Variants in PHF24 observed in about 807,000 individuals in gnomAD.
PHF24 encodes the protein PHD finger protein 24.
In PHF24, 25 loss-of-function variants were observed where a neutral mutation model predicts 42.6. That is an observed-to-expected ratio of 0.59 (90% confidence interval 0.43 to 0.82). The LOEUF (loss-of-function observed/expected upper bound fraction) is 0.82. Among genes scored for constraint, PHF24 ranks in the 40% least tolerant of loss-of-function variants. PHF24 has a pLI of 0.00. For missense variants in PHF24, 470 were observed against 538.1 expected (o/e 0.87, Z 1.25); for synonymous variants, 185 against 204.8 (o/e 0.90, Z 0.83).
chr9:34,867,076 T>A, the PHF24 span, among the ~76,000 whole-genome samples: 33 of 152,340 alleles, frequency 2.2e-4, no homozygotes, highest in African/African-American at 7.7e-4. Context: ...AATTATGGCA[T>A]GATCTTCAGC....
the PHF24 span, among the ~76,000 whole-genome samples, chr9:34,853,199 T>C: frequency 6.6e-6 from 1 of 152,168 alleles, no homozygotes; most frequent in Non-Finnish European, 1.5e-5. Context: ...CAAAGGCCTT[T>C]TCTGCATCTG....
chr9:34,966,576 C>T (rs1253077875), intron 1 of PHF24, among the ~76,000 whole-genome samples: 2 of 140,960 alleles, frequency 1.4e-5, no homozygotes, highest in East Asian at 3.9e-4. Context: ...GGTAATATGG[C>T]GAGACCCCCC....
At chr9:34,870,039 G>A in the PHF24 span, among the ~76,000 whole-genome samples, 1 of 151,896 alleles carries the variant, frequency 6.6e-6, no homozygotes, top group Non-Finnish European at 1.5e-5. Flanking sequence ...TGTTTTTGTT[G>A]TTTTTTTAAA....
the PHF24 span, among the ~76,000 whole-genome samples, chr9:34,732,949 T>C: frequency 1.3e-5 from 2 of 152,346 alleles, no homozygotes; most frequent in South Asian, 4.1e-4. Flanking sequence ...TGGATATTTC[T>C]TTAAAGTTTT....
At chr9:34,922,236 G>A in the PHF24 span, 1,768 of 1,592,192 alleles carry the variant, frequency 1.1e-3, 24 homozygotes, top group African/African-American at 0.021. Flanking sequence ...GGTATCCGAT[G>A]TCCACAATGT....
chr9:34,698,731 C>T, the PHF24 span, among the ~76,000 whole-genome samples: 1 of 152,152 alleles, frequency 6.6e-6, no homozygotes, highest in African/African-American at 2.4e-5. Flanking sequence ...CCACCTGCCT[C>T]GGCCTCCCAA....
chr9:34,833,514 G>A, the PHF24 span: 1 of 1,551,472 alleles, frequency 6.4e-7, no homozygotes, highest in South Asian at 1.2e-5. Context: ...AGACTTTCAA[G>A]AGACTTCTGT....
the PHF24 span, among the ~76,000 whole-genome samples, chr9:34,686,093 C>T: frequency 1.4e-3 from 206 of 152,312 alleles, 1 homozygote; most frequent in African/African-American, 4.7e-3. Flanking sequence ...AGCTAATACT[C>T]AGAGCCATGT....
the PHF24 span, among the ~76,000 whole-genome samples, chr9:34,920,130 A>G: frequency 3.0e-3 from 463 of 152,322 alleles, 2 homozygotes; most frequent in African/African-American, 0.011. Flanking sequence ...AGGAACCTCC[A>G]TACAGTTCTC....
the PHF24 span, among the ~76,000 whole-genome samples, chr9:34,904,258 A>G: frequency 6.6e-6 from 1 of 152,138 alleles, no homozygotes; most frequent in Admixed American, 6.5e-5. Flanking sequence ...TTCCAGTACT[A>G]TGTTGAAGAG....
the PHF24 span, chr9:34,837,750 T>C: frequency 2.5e-6 from 3 of 1,224,068 alleles, no homozygotes; most frequent in African/African-American, 4.5e-5. Context: ...ATTTTCTTTC[T>C]CATGTCCAAA....
the PHF24 span, among the ~76,000 whole-genome samples, chr9:34,925,763 C>A: frequency 6.6e-6 from 1 of 151,896 alleles, no homozygotes; most frequent in Non-Finnish European, 1.5e-5. Flanking sequence ...ATTTTGAATT[C>A]TTTTTTCTGG....
At chr9:34,678,647 T>A in the PHF24 span, among the ~76,000 whole-genome samples, 477 of 152,086 alleles carry the variant, frequency 3.1e-3, 2 homozygotes, top group Non-Finnish European at 4.5e-3. Context: ...TTCTTTTTTT[T>A]TGAGACAGAG....
the PHF24 span, among the ~76,000 whole-genome samples, chr9:34,761,090 T>A: frequency 6.6e-6 from 1 of 152,190 alleles, no homozygotes; most frequent in South Asian, 2.1e-4. Flanking sequence ...CTGTAGAATA[T>A]GTGGTGCTTG....
chr9:34,821,681 A>C, the PHF24 span, among the ~76,000 whole-genome samples: 2 of 152,186 alleles, frequency 1.3e-5, no homozygotes, highest in Admixed American at 1.3e-4. Context: ...TCTGCAGGAC[A>C]CTCACACCAC....
At chr9:34,923,495 A>C in the PHF24 span, among the ~76,000 whole-genome samples, 1 of 152,044 alleles carries the variant, frequency 6.6e-6, no homozygotes, top group Admixed American at 6.5e-5. Flanking sequence ...TATGGCTTTG[A>C]TCTCATTACT....
the PHF24 span, among the ~76,000 whole-genome samples, chr9:34,924,576 G>A: frequency 6.6e-6 from 1 of 152,102 alleles, no homozygotes; most frequent in Non-Finnish European, 1.5e-5. Flanking sequence ...TATTTTAGCT[G>A]ATATTAGTAT....
At chr9:34,733,936 A>AT in the PHF24 span, among the ~76,000 whole-genome samples, 314 of 152,342 alleles carry the variant, frequency 2.1e-3, 6 homozygotes, top group East Asian at 0.05. Flanking sequence ...GTATTAGTTA[A>AT]GAATTACACT....
chr9:34,670,155 C>G, the PHF24 span, among the ~76,000 whole-genome samples: 1 of 152,194 alleles, frequency 6.6e-6, no homozygotes, highest in Non-Finnish European at 1.5e-5. Flanking sequence ...CCCTCCTAGA[C>G]TTCATCCTGT....
Sources: gnomAD v4.1 joint callset for allele counts (sites outside exome capture counted in the v4.1 genomes callset) on GRCh38, gnomAD v4.1.1 for gene constraint, MANE v1.5 for transcripts, NCBI Gene and HGNC (gene_info 2026-07-23, HGNC 2026-07-21) for gene names.